The following UPP1 variants were observed in gnomAD, a reference collection of about 807,000 sequenced individuals.
UPP1 encodes uridine phosphorylase 1.
UPP1 carries 25 observed loss-of-function variants against 29.6 expected under a neutral mutation model. The ratio of observed to expected loss-of-function variants is 0.85; its 90% CI spans 0.62 to 1.18. The LOEUF (loss-of-function observed/expected upper bound fraction) is 1.18. Ranked by LOEUF, UPP1 falls within the 50% of genes most tolerant of loss-of-function variation. The probability of loss-of-function intolerance (pLI) is 0.00; values close to 1 mark genes in which losing one functional copy is unlikely to be tolerated. For missense variants in UPP1, 368 were observed against 410.4 expected, an observed-to-expected ratio of 0.90 and a Z score of 0.89; for synonymous variants, 165 against 159.8, an observed-to-expected ratio of 1.03 and a Z score of -0.25.
At chr7:48,093,700 A>G (rs115839157) in intron 2 of UPP1, among the ~76,000 whole-genome samples, 150 of 152,272 alleles carry the variant, frequency 9.9e-4, no homozygotes, top group African/African-American at 3.3e-3. Context: ...TTTTTCCTTC[A>G]TGGGACTTTG....
chr7:48,091,832 A>G (rs11975785), intron 2 of UPP1, among the ~76,000 whole-genome samples: 11,975 of 152,240 alleles, frequency 0.079, 1,536 homozygotes, highest in African/African-American at 0.27. Context: ...GCCAGCGGAA[A>G]GCAGTGACTG....
intron 4 of UPP1, among the ~76,000 whole-genome samples, chr7:48,101,530 C>A (rs1165242671): frequency 6.6e-6 from 1 of 152,044 alleles, no homozygotes; most frequent in Non-Finnish European, 1.5e-5. Context: ...CGGAGGGAGG[C>A]CGAGGGTGCA....
At position 48,108,525 on chromosome 7, in the gene UPP1, C is replaced by G. The variant is rs1047105851; in HGVS notation, c.*168C>G. On this transcript the variant is annotated 3_prime_UTR_variant, in exon 9 of 9. Coordinates refer to ENST00000395564, the MANE Select transcript of UPP1 (RefSeq NM_003364.4). Reference sequence around the variant, plus strand: ...GATTAACCGCATGGGAGATGTTCTTCCTTTTGAAGTTTCATTGGAGCATTT... The same window carrying G: ...GATTAACCGCATGGGAGATGTTCTTGCTTTTGAAGTTTCATTGGAGCATTT... 9.3e-6 allele frequency: 7 copies of G among 753,388 alleles called. No homozygotes were observed. In the East Asian group the frequency reaches 1.3e-4, roughly 14 times the overall value. 46.7% of individuals were successfully genotyped at this position (753,388 alleles called of 1,614,324 possible).
rs1447080109 is a variant in UPP1, at chr7:48,090,243, A to T, written c.-143A>T. 1 of 152,200 alleles carries T rather than the reference A, an allele frequency of 6.6e-6. No individual in the cohort carries two copies. The highest frequency in any genetic ancestry group is 1.5e-5 in the Non-Finnish European group (1 of 68,040). 9.4% of individuals were successfully genotyped at this position (152,200 alleles called of 1,614,324 possible). A position where few individuals can be genotyped will look rare whatever the true frequency, so the allele number is the denominator to read the frequency against. ...GTCGACACGTCTCGTCTCCTGTCCC[A>T]ATTCAGGGCTTGGTGAGGTGACTCG... On this transcript the variant is annotated 5_prime_UTR_variant, in exon 2 of 9. Coordinates refer to ENST00000395564, the MANE Select transcript of UPP1 (RefSeq NM_003364.4).
chr7:48,094,952 C>A, intron 3 of UPP1, 125 bp downstream of exon 3: 1 of 1,191,600 alleles, frequency 8.4e-7, no homozygotes, highest in Non-Finnish European at 1.2e-6. Context: ...GTGAAAGAGA[C>A]TGAGGCCTGG....
intron 8 of UPP1, 21 bp downstream of exon 8, chr7:48,107,528 C>T: frequency 2.5e-6 from 4 of 1,587,230 alleles, no homozygotes; most frequent in Non-Finnish European, 3.4e-6. Flanking sequence ...CTTGATGGGC[C>T]TCGGCGTCCC....
intron 1 of UPP1, among the ~76,000 whole-genome samples, chr7:48,089,805 G>T (rs1278549356): frequency 6.6e-6 from 1 of 152,176 alleles, no homozygotes; most frequent in Admixed American, 6.5e-5. Flanking sequence ...CCCGCAGGGC[G>T]CAGGCGGGCG....
chr7:48,096,528 C>T (rs1412771315), intron 3 of UPP1, among the ~76,000 whole-genome samples: 1 of 152,106 alleles, frequency 6.6e-6, no homozygotes, highest in African/African-American at 2.4e-5. Context: ...TCCCACTTCC[C>T]CTTCCCCAGT....
rs2128809546 is a variant in UPP1, at chr7:48,094,749, T to A, written c.-21-14T>A. 1.2e-6 allele frequency: 2 copies of A among 1,613,156 alleles called. No homozygotes were observed. The highest frequency in any genetic ancestry group is 3.3e-4 in the Middle Eastern group (2 of 6,058). On this transcript the variant is annotated splice_polypyrimidine_tract_variant and intron_variant, in intron 2 of 8. Coordinates refer to ENST00000395564, the MANE Select transcript of UPP1 (RefSeq NM_003364.4). ...TGAGTGGATTCACTCCATTCTGTGA[T>A]TTTTTTTCCTTAGGGTCCTGCCTCA... is the stretch of plus-strand genomic sequence containing the variant.
At position 48,098,830 on chromosome 7, in the gene UPP1, G is replaced by A. The variant is rs553498314; in HGVS notation, c.45-840G>A. 3.9e-5 allele frequency among the ~76,000 whole-genome samples: 6 copies of A among 152,340 alleles called. No individual in the cohort carries two copies. In the South Asian group the frequency reaches 1.2e-3, roughly 32 times the overall value. ...CTCTAGGACTCAGAAGGCATACATT[G>A]TTGAAGGAGCTACGTTTGAGGCTGG... On this transcript the variant is annotated intron_variant, in intron 3 of 8. Transcript: ENST00000395564.
Position 48,108,023 on chromosome 7 carries a change from G to T in UPP1, c.794-195G>T, listed in dbSNP as rs563294588. Among the ~76,000 whole-genome samples, 10 of 152,280 alleles carry T rather than the reference G, an allele frequency of 6.6e-5. No individual in the cohort carries two copies. In the East Asian group the frequency reaches 1.9e-3, roughly 29 times the overall value. ...AGGGCAGGGTGGTGTCAGAGAGGGAGGAGTCTTCCGAGCCCCTGGACCAGC... is the reference window on the plus strand; with the variant it reads ...AGGGCAGGGTGGTGTCAGAGAGGGATGAGTCTTCCGAGCCCCTGGACCAGC... On this transcript the variant is annotated intron_variant, in intron 8 of 8. Coordinates refer to ENST00000395564, the MANE Select transcript of UPP1 (RefSeq NM_003364.4).
chr7:48,099,531 G>T, intron 3 of UPP1, 139 bp from the exon 4 acceptor site: 1 of 633,744 alleles, frequency 1.6e-6, no homozygotes, highest in Admixed American at 2.7e-5. Context: ...TGGCAATGTT[G>T]GGGTTGTCTT....
intron 2 of UPP1, 90 bp from the exon 3 acceptor site, chr7:48,094,673 T>C: frequency 1.8e-6 from 2 of 1,124,950 alleles, no homozygotes; most frequent in Non-Finnish European, 2.7e-6. Flanking sequence ...TCCACTTCAT[T>C]GCACTGACTT....
intron 6 of UPP1, among the ~76,000 whole-genome samples, chr7:48,104,177 C>G (rs1395983288): frequency 6.6e-6 from 1 of 152,074 alleles, no homozygotes; most frequent in Non-Finnish European, 1.5e-5. Flanking sequence ...AACATCGCGC[C>G]ACTGCACTTC....
intron 6 of UPP1, chr7:48,103,945 C>T (rs982978480): frequency 1.7e-4 from 209 of 1,253,450 alleles, no homozygotes; most frequent in Middle Eastern, 2.8e-4. Flanking sequence ...GTTGGCCGGG[C>T]GCGGTGGCTC....
At chr7:48,093,208 C>T (rs1387369423) in intron 2 of UPP1, among the ~76,000 whole-genome samples, 1 of 152,170 alleles carries the variant, frequency 6.6e-6, no homozygotes, top group Non-Finnish European at 1.5e-5. Flanking sequence ...TTCTCCACAC[C>T]TAACAACTGT....
Position 48,108,507 on chromosome 7 carries a change from C to G in UPP1, c.*150C>G, listed in dbSNP as rs543558141. 2.3e-6 allele frequency: 2 copies of G among 873,286 alleles called. No homozygotes were observed. Among genetic ancestry groups the G allele is most frequent in the Non-Finnish European group, 3.2e-6 (2 of 617,344 alleles). 54.1% of individuals were successfully genotyped at this position (873,286 alleles called of 1,614,324 possible). On this transcript the variant is annotated 3_prime_UTR_variant, in exon 9 of 9. Coordinates refer to ENST00000395564, the MANE Select transcript of UPP1 (RefSeq NM_003364.4). ...AAGAGACAGAGAATCTTGGATTAAC[C>G]GCATGGGAGATGTTCTTCCTTTTGA...
intron 2 of UPP1, among the ~76,000 whole-genome samples, chr7:48,092,859 C>T (rs904461446): frequency 2.0e-5 from 3 of 152,050 alleles, no homozygotes; most frequent in South Asian, 2.1e-4. Flanking sequence ...TGCGCCACCA[C>T]ACCCAGCTAC....
chr7:48,094,300 G>A (rs1369946738), intron 2 of UPP1, among the ~76,000 whole-genome samples: 1 of 152,166 alleles, frequency 6.6e-6, no homozygotes, highest in African/African-American at 2.4e-5. Context: ...TGCAACCTCT[G>A]CCTCCCAGGT....
Sources: allele counts gnomAD v4.1 joint callset (sites outside exome capture counted in the v4.1 genomes callset), GRCh38; gene constraint gnomAD v4.1.1; transcripts MANE v1.5; gene names NCBI Gene and HGNC (gene_info 2026-07-23, HGNC 2026-07-21).